Variants in TEX11 observed in about 807,000 individuals in gnomAD.
TEX11 encodes testis expressed 11.
Under a neutral mutation model 84.4 loss-of-function variants are expected in TEX11, and 7 were observed. That is an observed-to-expected ratio of 0.08 (90% CI 0.05 to 0.16). The LOEUF is 0.16. TEX11 is among the 10% of genes least tolerant of loss of function. The probability of loss-of-function intolerance (pLI) is 1.00; values close to 1 mark genes in which losing one functional copy is unlikely to be tolerated. For synonymous variants in TEX11, 264 were observed against 222.8 expected (o/e 1.18, Z -1.64); for missense variants, 551 against 660.5 (o/e 0.83, Z 1.82).
At chrX:70,820,638 C>A (rs1416326694) in intron 8 of TEX11, among the ~76,000 whole-genome samples, 1 of 111,066 alleles carries the variant, frequency 9.0e-6, no homozygotes, top group African/African-American at 3.3e-5. Context: ...TAAACATGTC[C>A]CATGGCAAGA....
intron 8 of TEX11, among the ~76,000 whole-genome samples, chrX:70,826,368 C>A (rs1372815453): frequency 9.0e-6 from 1 of 110,880 alleles, no homozygotes; most frequent in Non-Finnish European, 1.9e-5. Flanking sequence ...TAAAAGCCTG[C>A]ATTGTTTGTA....
At chrX:70,720,773 A>AATATATAT (rs58118818) in intron 13 of TEX11, among the ~76,000 whole-genome samples, 2 of 96,244 alleles carry the variant, frequency 2.1e-5, no homozygotes, top group African/African-American at 7.2e-5. Flanking sequence ...ACATATATAT[A>AATATATAT]ATATATATAT....
chrX:70,864,548 G>A (rs984235092), intron 4 of TEX11, among the ~76,000 whole-genome samples: 1 of 106,945 alleles, frequency 9.4e-6, no homozygotes, highest in Non-Finnish European at 1.9e-5. Context: ...CCAGCCTGGC[G>A]AATACAGTGA....
chrX:70,584,695 C>A (rs1333536296), intron 25 of TEX11, among the ~76,000 whole-genome samples: 2 of 111,766 alleles, frequency 1.8e-5, no homozygotes, highest in Non-Finnish European at 3.8e-5. Context: ...AAGGATTATA[C>A]AATCTGATTA....
At chrX:70,594,328 C>T (rs749099332) in intron 24 of TEX11, among the ~76,000 whole-genome samples, 9 of 110,954 alleles carry the variant, frequency 8.1e-5, no homozygotes, top group East Asian at 2.8e-4. Context: ...TGAGAGAATT[C>T]GTTGCTAAGA....
chrX:70,901,259 C>T (rs779648293), intron 2 of TEX11, among the ~76,000 whole-genome samples: 32 of 111,090 alleles, frequency 2.9e-4, no homozygotes, highest in Middle Eastern at 4.6e-3. Flanking sequence ...GAATAACTAG[C>T]GTGGTATGAA....
At chrX:70,589,888 T>A (rs762460368) in intron 25 of TEX11, among the ~76,000 whole-genome samples, 1 of 112,387 alleles carries the variant, frequency 8.9e-6, no homozygotes, top group Non-Finnish European at 1.9e-5. Flanking sequence ...AATTCTACTA[T>A]GAGTTATTTT....
At chrX:70,514,651 G>GCC in the TEX11 span, among the ~76,000 whole-genome samples, 6 of 109,645 alleles carry the variant, frequency 5.5e-5, no homozygotes, top group Non-Finnish European at 1.1e-4. Flanking sequence ...ACATACCACT[G>GCC]CCCTGCAAAA....
At chrX:70,627,423 G>A (rs2089462252) in intron 18 of TEX11, among the ~76,000 whole-genome samples, 1 of 111,964 alleles carries the variant, frequency 8.9e-6, no homozygotes, top group African/African-American at 3.2e-5. Flanking sequence ...TAAGTTTAGA[G>A]ACTGGCTTTA....
At chrX:70,659,387 G>A (rs2089904179) in intron 16 of TEX11, among the ~76,000 whole-genome samples, 1 of 112,047 alleles carries the variant, frequency 8.9e-6, no homozygotes, top group Non-Finnish European at 1.9e-5. Flanking sequence ...TTAAAAATGG[G>A]TAAAGGACTT....
rs776069235 is a variant in TEX11, at chrX:70,785,272, T to C, written c.692+21433A>G. Among the ~76,000 whole-genome samples the C allele has an allele frequency of 8.9e-5, 10 of 112,052 alleles. No homozygotes were observed. In the South Asian group the frequency reaches 3.7e-3, roughly 41 times the overall value. On this transcript the variant is annotated intron_variant, in intron 9 of 29. Coordinates refer to ENST00000374333, the MANE Select transcript of TEX11 (RefSeq NM_031276.3). ...TAGTGCTGGGAAAACTGGCTAGCCA[T>C]ATGTGGAAAGCTGAAACTGGATCCC... is the stretch of plus-strand genomic sequence containing the variant.
At chrX:70,899,734 G>T (rs749064202) in intron 2 of TEX11, among the ~76,000 whole-genome samples, 1 of 104,676 alleles carries the variant, frequency 9.6e-6, no homozygotes, top group South Asian at 4.5e-4. Context: ...TGGGCAACAT[G>T]GCAAAATCCA....
In TEX11 at chrX:70,829,893, T is replaced by A. The variant is rs762245071; in HGVS notation, c.606+3620A>T. Among the ~76,000 whole-genome samples the A allele has an allele frequency of 6.4e-5, 7 of 108,756 alleles. No individual in the cohort carries two copies. The East Asian group carries it at 2.0e-3, about 31-fold the overall frequency. 94.4% of individuals were successfully genotyped at this position (108,756 alleles called of 115,157 possible). Reference sequence around the variant, plus strand: ...GGAAGAAATTAAATCATACCACCAGTGAAAATCGCCTTCACTAAAAGGAAG... The same window carrying A: ...GGAAGAAATTAAATCATACCACCAGAGAAAATCGCCTTCACTAAAAGGAAG... On this transcript the variant is annotated intron_variant, in intron 8 of 29. Transcript: ENST00000374333.
chrX:70,757,671 C>T (rs1418650309), intron 9 of TEX11, among the ~76,000 whole-genome samples: 1 of 111,706 alleles, frequency 9.0e-6, no homozygotes. Context: ...AAAAACATGC[C>T]AAATTGTAAA....
intron 14 of TEX11, 150 bp from the exon 15 acceptor site, chrX:70,679,039 C>T (rs1245128558): frequency 2.2e-6 from 1 of 456,436 alleles, no homozygotes. Flanking sequence ...GGTACTGCTG[C>T]CTGATTCTCC....
rs1030569407 is a variant in TEX11 at position 70,880,051 on chromosome X, A to G, written c.96T>C (p.Asp32=). 9 of 1,182,477 alleles carry G rather than the reference A, an allele frequency of 7.6e-6. No individual in the cohort carries two copies. Among genetic ancestry groups the G allele is most frequent in the Non-Finnish European group, 1.0e-5 (9 of 873,543 alleles). Residue 32 remains aspartate, a synonymous_variant, in exon 3 of 30, where the codon GAT becomes GAC. Transcript: ENST00000374333. ...DNSPNIPEAI[D]RLFSDIANIN... ...TATTTGCTATGTCGCTGAAGAGTCT[A>G]TCAATTGCCTCTGGTATGTTAGGTG...
intron 25 of TEX11, among the ~76,000 whole-genome samples, chrX:70,583,528 T>C (rs1033311981): frequency 5.3e-5 from 6 of 112,444 alleles, no homozygotes; most frequent in Admixed American, 2.8e-4. Flanking sequence ...GATACGTAGG[T>C]TGACTCCATA....
chrX:70,779,253 A>G (rs2091021240), intron 9 of TEX11, among the ~76,000 whole-genome samples: 1 of 108,146 alleles, frequency 9.2e-6, no homozygotes, highest in Admixed American at 1.0e-4. Flanking sequence ...CGTCCCTATT[A>G]AAAATACAAA....
intron 9 of TEX11, among the ~76,000 whole-genome samples, chrX:70,751,384 C>CA (rs1347053747): frequency 9.9e-6 from 1 of 100,796 alleles, no homozygotes; most frequent in Non-Finnish European, 2.0e-5. Context: ...ATCGCAAGGA[C>CA]AAAAAACCAA....
Sources: allele counts gnomAD v4.1 joint callset (sites outside exome capture counted in the v4.1 genomes callset), GRCh38; gene constraint gnomAD v4.1.1; transcripts MANE v1.5; gene names NCBI Gene and HGNC (gene_info 2026-07-23, HGNC 2026-07-21).